CEP112: variants seen among roughly 807,000 people sequenced by gnomAD.
The protein encoded by CEP112 is centrosomal protein 112, also known as centrosomal protein of 112 kDa.
In CEP112, 127 loss-of-function variants were observed where a neutral mutation model predicts 153.0. The ratio of observed to expected loss-of-function variants is 0.83; its 90% CI spans 0.72 to 0.96. CEP112 has a LOEUF of 0.96. Among genes scored for constraint, CEP112 ranks in the 40% least tolerant of loss-of-function variants. CEP112 has a pLI of 0.00. For synonymous variants in CEP112, 358 were observed against 374.4 expected, an observed-to-expected ratio of 0.96 and a Z score of 0.51; for missense variants, 1,089 against 1,101.2, an observed-to-expected ratio of 0.99 and a Z score of 0.16.
chr17:65,884,321 A>G (rs557502992), intron 20 of CEP112, among the ~76,000 whole-genome samples: 1 of 152,334 alleles, frequency 6.6e-6, no homozygotes, highest in South Asian at 2.1e-4. Context: ...GCAGTGATGA[A>G]TATCTAGCTA....
Position 66,175,103 on chromosome 17 carries a change from T to A in CEP112, c.411A>T (p.Ser137=), listed in dbSNP as rs2072415496. ...LETSEHKLNE[S]WKLSSGEDNT... is the part of the protein sequence containing the mutation. ...TATCTTCTCCAGAAGAGAGTTTCCA[T>A]GATTCATTTAATTTGTGTTCACTTG... Residue 137 remains serine, a synonymous_variant, in exon 4 of 27, where the codon TCA becomes TCT. Coordinates refer to ENST00000535342, the MANE Select transcript of CEP112 (RefSeq NM_001199165.4). 1.9e-6 allele frequency: 3 copies of A among 1,613,204 alleles called. No homozygotes were observed. The highest frequency in any genetic ancestry group is 1.7e-6 in the Non-Finnish European group (2 of 1,179,656).
At chr17:65,851,672 G>A (rs1841957267) in intron 21 of CEP112, 132 bp downstream of exon 21, 3 of 648,618 alleles carry the variant, frequency 4.6e-6, no homozygotes, top group Admixed American at 3.0e-5. Context: ...TAAATTCCTC[G>A]ACTGAAGAGT....
intron 20 of CEP112, among the ~76,000 whole-genome samples, chr17:65,877,458 T>C (rs2058875519): frequency 6.6e-6 from 1 of 152,210 alleles, no homozygotes; most frequent in African/African-American, 2.4e-5. Context: ...TCCCTTACTC[T>C]TAAAGTAGTA....
At chr17:65,967,101 T>C (rs2062441999) in intron 17 of CEP112, among the ~76,000 whole-genome samples, 1 of 152,190 alleles carries the variant, frequency 6.6e-6, no homozygotes, top group East Asian at 1.9e-4. Context: ...GATAATAGCA[T>C]AAAGAAGTTC....
intron 24 of CEP112, among the ~76,000 whole-genome samples, chr17:65,685,441 C>G (rs1397713448): frequency 6.6e-6 from 1 of 152,086 alleles, no homozygotes; most frequent in Non-Finnish European, 1.5e-5. Context: ...CAACCAGTAT[C>G]AGGATAACAA....
At chr17:66,136,841 A>T (rs2070456710) in intron 4 of CEP112, among the ~76,000 whole-genome samples, 1 of 152,308 alleles carries the variant, frequency 6.6e-6, no homozygotes, top group Non-Finnish European at 1.5e-5. Context: ...ACATATCCAC[A>T]GAAAAAGTTT....
chr17:65,908,694 CA>C (rs60416390), intron 19 of CEP112, among the ~76,000 whole-genome samples: 2 of 146,586 alleles, frequency 1.4e-5, no homozygotes, highest in Non-Finnish European at 1.5e-5. Flanking sequence ...AACTCTGTCT[CA>C]AAAAAAAAAA....
intron 20 of CEP112, among the ~76,000 whole-genome samples, chr17:65,868,585 T>A (rs546810046): frequency 6.6e-6 from 1 of 151,896 alleles, no homozygotes; most frequent in Non-Finnish European, 1.5e-5. Context: ...TGAAATTGAA[T>A]ATGCAGATTT....
intron 23 of CEP112, among the ~76,000 whole-genome samples, chr17:65,695,276 A>C (rs968891662): frequency 6.6e-6 from 1 of 152,240 alleles, no homozygotes; most frequent in Non-Finnish European, 1.5e-5. Context: ...AGAGCAAATT[A>C]AAGTGTCAAA....
intron 4 of CEP112, among the ~76,000 whole-genome samples, chr17:66,168,053 G>A (rs564761282): frequency 6.6e-6 from 1 of 152,150 alleles, no homozygotes; most frequent in Non-Finnish European, 1.5e-5. Flanking sequence ...AATTTGCAAT[G>A]TGTATGCACA....
At chr17:66,096,556 AG>A in intron 7 of CEP112, 28 bp downstream of exon 7, 1 of 1,510,174 alleles carries the variant, frequency 6.6e-7, no homozygotes, top group Non-Finnish European at 9.1e-7. Context: ...ACCTGCCCCT[AG>A]AAAAAGTCCA....
intron 21 of CEP112, among the ~76,000 whole-genome samples, chr17:65,829,602 T>G (rs1000621830): frequency 6.6e-6 from 1 of 152,218 alleles, no homozygotes; most frequent in South Asian, 2.1e-4. Flanking sequence ...TTCGAAATGT[T>G]GATGTGGTGT....
At chr17:66,141,390 T>C (rs2070691417) in intron 4 of CEP112, among the ~76,000 whole-genome samples, 1 of 133,260 alleles carries the variant, frequency 7.5e-6, no homozygotes, top group Admixed American at 7.5e-5. Flanking sequence ...AATTTCTCTT[T>C]TTAAAATAGT....
intron 24 of CEP112, among the ~76,000 whole-genome samples, chr17:65,658,916 G>C (rs1318293662): frequency 1.4e-5 from 2 of 143,710 alleles, no homozygotes; most frequent in Non-Finnish European, 3.0e-5. Flanking sequence ...GTGCTGCCAA[G>C]ATCAAGGAAA....
chr17:66,095,842 T>C (rs1408637802), intron 8 of CEP112, among the ~76,000 whole-genome samples: 1 of 151,862 alleles, frequency 6.6e-6, no homozygotes, highest in African/African-American at 2.4e-5. Flanking sequence ...GAAGTCAAGG[T>C]AGGAGGAGGA....
chr17:65,788,586 TATTA>T (rs2054409930), intron 21 of CEP112, among the ~76,000 whole-genome samples: 1 of 152,180 alleles, frequency 6.6e-6, no homozygotes, highest in South Asian at 2.1e-4. Context: ...TCTACAGGAC[TATTA>T]GAGTTTTCTA....
At chr17:66,102,666 C>T (rs879499746) in intron 6 of CEP112, among the ~76,000 whole-genome samples, 17 of 151,244 alleles carry the variant, frequency 1.1e-4, no homozygotes, top group Admixed American at 2.6e-4. Context: ...GGTGTGGTGG[C>T]GGGCACCTGT....
chr17:65,950,699 C>CTATTATTATTATTATTATCAG lies in CEP112; in HGVS notation c.1872+10763_1872+10764insCTGATAATAATAATAATAATA, dbSNP rs57598697. ...CTTTCTTTCCATTCTGGATACATTACTAGTAGTAGTAGTAGTAGTAGTAGT... is the reference window on the plus strand; with the variant it reads ...CTTTCTTTCCATTCTGGATACATTACTATTATTATTATTATTATCAGTAGTAGTAGTAGTAGTAGTAGTAGT... On this transcript the variant is annotated intron_variant, in intron 18 of 26. Coordinates refer to ENST00000535342, the MANE Select transcript of CEP112 (RefSeq NM_001199165.4). Among the ~76,000 whole-genome samples, 126 of 147,184 alleles carry CTATTATTATTATTATTATCAG rather than the reference C, an allele frequency of 8.6e-4. 3 individuals are homozygous for CTATTATTATTATTATTATCAG. The South Asian group carries it at 9.4e-3, about 11-fold the overall frequency.
chr17:66,149,503 C>T (rs1366346812), intron 4 of CEP112, among the ~76,000 whole-genome samples: 2 of 152,142 alleles, frequency 1.3e-5, no homozygotes, highest in African/African-American at 4.8e-5. Context: ...TTGATTCAAT[C>T]TGCTTACTAA....
Sources: allele counts gnomAD v4.1 joint callset (sites outside exome capture counted in the v4.1 genomes callset), GRCh38; gene constraint gnomAD v4.1.1; transcripts MANE v1.5; gene names NCBI Gene and HGNC (gene_info 2026-07-23, HGNC 2026-07-21).